The following HDAC4 variants were observed in gnomAD, a reference collection of about 807,000 sequenced individuals.
HDAC4 encodes histone deacetylase 4.
In HDAC4, 16 loss-of-function variants were observed where a neutral mutation model predicts 135.1. That is an observed-to-expected ratio of 0.12 (90% CI 0.08 to 0.18). The LOEUF is 0.18. HDAC4 is among the 10% of genes least tolerant of loss of function. The probability of loss-of-function intolerance (pLI) is 1.00; values close to 1 mark genes in which losing one functional copy is unlikely to be tolerated. For synonymous variants in HDAC4, 685 were observed against 653.4 expected (o/e 1.05, Z -0.74); for missense variants, 1,143 against 1,511.8 (o/e 0.76, Z 4.05).
chr2:239,153,468 A>G (rs2042235838), intron 7 of HDAC4, among the ~76,000 whole-genome samples: 1 of 152,030 alleles, frequency 6.6e-6, no homozygotes, highest in Non-Finnish European at 1.5e-5. Context: ...AAGCACAGAT[A>G]TAACTTACTT....
chr2:239,150,004 G>T (rs1037591853), intron 7 of HDAC4, among the ~76,000 whole-genome samples: 3 of 152,196 alleles, frequency 2.0e-5, no homozygotes, highest in Admixed American at 1.3e-4. Flanking sequence ...GGTGCTCAAA[G>T]TTGCTGGCAA....
intron 2 of HDAC4, among the ~76,000 whole-genome samples, chr2:239,267,533 C>T (rs1418927819): frequency 1.3e-5 from 2 of 152,258 alleles, no homozygotes; most frequent in East Asian, 3.8e-4. Flanking sequence ...AAGGGCTTGG[C>T]ACAGCTATAG....
At chr2:239,185,422 G>A (rs1024165141) in intron 4 of HDAC4, among the ~76,000 whole-genome samples, 2 of 150,618 alleles carry the variant, frequency 1.3e-5, no homozygotes, top group Non-Finnish European at 3.0e-5. Flanking sequence ...TACCCTAACT[G>A]CTGGGGAAAG....
At position 239,049,609 on chromosome 2, in the gene HDAC4, G is replaced by C. The variant is rs762046984; in HGVS notation, c.*3488C>G. 1 of 152,576 alleles carries C rather than the reference G, an allele frequency of 6.6e-6. No individual in the cohort carries two copies. The highest frequency in any genetic ancestry group is 6.5e-5 in the Admixed American group (1 of 15,286). The allele number at this position is 152,576 out of a possible 1,614,324, so 9.5% of individuals were successfully genotyped here. ...TCTGATCAAAAAGAAAAACAACAAA[G>C]TCCATTGCTAGTGCTGCAAAAATCA... On this transcript the variant is annotated 3_prime_UTR_variant, in exon 27 of 27. Transcript: ENST00000543185.
intron 19 of HDAC4, 127 bp from the exon 20 acceptor site, chr2:239,084,369 A>C: frequency 2.8e-6 from 2 of 707,110 alleles, no homozygotes; most frequent in Non-Finnish European, 5.1e-6. Context: ...AGAGCTCCTG[A>C]ATACGTCGCA....
chr2:239,275,531 A>T (rs1162468518), intron 2 of HDAC4, among the ~76,000 whole-genome samples: 1 of 152,102 alleles, frequency 6.6e-6, no homozygotes, highest in Non-Finnish European at 1.5e-5. Flanking sequence ...GTGACAGCAG[A>T]CCCTAACCCC....
chr2:239,113,393 G>C (rs1348909500), intron 13 of HDAC4, among the ~76,000 whole-genome samples: 7 of 152,188 alleles, frequency 4.6e-5, no homozygotes, highest in Non-Finnish European at 1.0e-4. Flanking sequence ...AATTCAGCTG[G>C]GATTGCCGTG....
intron 14 of HDAC4, among the ~76,000 whole-genome samples, chr2:239,110,583 T>C (rs1254809693): frequency 6.6e-6 from 1 of 152,250 alleles, no homozygotes; most frequent in Non-Finnish European, 1.5e-5. Flanking sequence ...TGTCTCTGAA[T>C]ATGAATAGCA....
chr2:239,214,251 T>C (rs1426271304), intron 3 of HDAC4, among the ~76,000 whole-genome samples: 1 of 152,196 alleles, frequency 6.6e-6, no homozygotes, highest in Admixed American at 6.5e-5. Context: ...CCCTGGCTCC[T>C]GGTCCCTTCT....
chr2:239,216,883 G>C (rs1195805929), intron 3 of HDAC4, among the ~76,000 whole-genome samples: 1 of 152,210 alleles, frequency 6.6e-6, no homozygotes, highest in Non-Finnish European at 1.5e-5. Flanking sequence ...AGGAAGCTCT[G>C]ACTAAGCTAC....
Position 239,134,439 on chromosome 2 carries a change from G to T in HDAC4, c.1100C>A (p.Thr367Lys), listed in dbSNP as rs886043549. 1 of 1,613,292 alleles carries T rather than the reference G, an allele frequency of 6.2e-7. No homozygotes were observed. The highest frequency in any genetic ancestry group is 8.5e-7 in the Non-Finnish European group (1 of 1,179,768). Residue 367 changes from threonine to lysine, a missense_variant, in exon 11 of 27, where the codon ACG becomes AAG. By Grantham distance (78) the Thr-to-Lys change is moderately conservative. Coordinates refer to ENST00000543185, the MANE Select transcript of HDAC4 (RefSeq NM_001378414.1). The stretch of plus-strand genomic sequence containing the variant: ...TCTCTCGGCGTCCTGCTGGCCCGCC[G>T]TGCCCTGGAAAGCACAGCCAGGATG... ...GLPATGPSAG[T>K]AGQQDAERLT...
In HDAC4 at chr2:239,167,836, C is replaced by T. The variant is rs893312934; in HGVS notation, c.491-3913G>A. On this transcript the variant is annotated intron_variant, in intron 5 of 26. Coordinates refer to ENST00000543185, the MANE Select transcript of HDAC4 (RefSeq NM_001378414.1). This position sits in a 1 kb window ranked among gnomAD's most constrained non-coding sequence, Gnocchi z 4.1. The stretch of plus-strand genomic sequence containing the variant: ...CCCGTTCTGGCCAGCAGAGATGAAG[C>T]GGTGGATAAAAGAGGCCAAGTTCTT... 4.6e-5 allele frequency among the ~76,000 whole-genome samples: 7 copies of T among 151,244 alleles called. No homozygotes were observed. Among genetic ancestry groups the T allele is most frequent in the African/African-American group, 1.5e-4 (6 of 41,044 alleles).
At chr2:239,205,705 G>A (rs947587059) in intron 3 of HDAC4, among the ~76,000 whole-genome samples, 1 of 151,858 alleles carries the variant, frequency 6.6e-6, no homozygotes, top group African/African-American at 2.4e-5. Flanking sequence ...GGAGGAGGAG[G>A]GGAGGACGAG....
intron 2 of HDAC4, among the ~76,000 whole-genome samples, chr2:239,315,106 CTT>C (rs1290194863): frequency 1.3e-5 from 2 of 152,208 alleles, no homozygotes; most frequent in African/African-American, 4.8e-5. Context: ...GATAATAACT[CTT>C]TCAACCAACT....
Position 239,308,190 on chromosome 2 carries a change from A to C in HDAC4, c.22+44488T>G, listed in dbSNP as rs1306503454. On this transcript the variant is annotated intron_variant, in intron 2 of 26. Coordinates refer to ENST00000543185, the MANE Select transcript of HDAC4 (RefSeq NM_001378414.1). The surrounding 1 kb of genome is among the most constrained non-coding windows in gnomAD (Gnocchi z 4.2). ...AGATGGGGGTGGTCAGCGTGCAGGA[A>C]GCCCTCCTTGACGATGAGCTATCAG... 4.6e-5 allele frequency among the ~76,000 whole-genome samples: 7 copies of C among 152,116 alleles called. No homozygotes were observed. Among genetic ancestry groups the C allele is most frequent in the African/African-American group, 1.4e-4 (6 of 41,428 alleles).
chr2:239,105,628 AC>A (rs1353145336), intron 15 of HDAC4, among the ~76,000 whole-genome samples: 4 of 151,592 alleles, frequency 2.6e-5, no homozygotes, highest in East Asian at 1.9e-4. Context: ...GGAGGGCCTC[AC>A]CCCCCAGGCC....
chr2:239,280,654 C>CA (rs1179751024), intron 2 of HDAC4, among the ~76,000 whole-genome samples: 1 of 152,140 alleles, frequency 6.6e-6, no homozygotes, highest in African/African-American at 2.4e-5. Flanking sequence ...CCAGGCACAA[C>CA]AAAGATGCGA....
At chr2:239,336,312 T>C (rs1691936830) in intron 2 of HDAC4, among the ~76,000 whole-genome samples, 2 of 152,218 alleles carry the variant, frequency 1.3e-5, no homozygotes, top group African/African-American at 4.8e-5. Flanking sequence ...ATCTTCCTTT[T>C]GGGAGAGTTC....
chr2:239,290,283 G>A (rs113680299), intron 2 of HDAC4, among the ~76,000 whole-genome samples: 6 of 152,186 alleles, frequency 3.9e-5, no homozygotes, highest in African/African-American at 1.4e-4. Context: ...TAACTATAAA[G>A]AAACAGAGCA....
Sources: allele counts gnomAD v4.1 joint callset (sites outside exome capture counted in the v4.1 genomes callset), GRCh38; gene constraint gnomAD v4.1.1; non-coding constraint Gnocchi (gnomAD v3.1); transcripts MANE v1.5; gene names NCBI Gene and HGNC (gene_info 2026-07-23, HGNC 2026-07-21).